CACNB3: variants seen among roughly 807,000 people sequenced by gnomAD.
CACNB3 encodes the protein voltage-dependent L-type calcium channel subunit beta-3.
A neutral mutation model predicts 63.7 loss-of-function variants in CACNB3; 36 were observed. That is an observed-to-expected ratio of 0.57 (90% CI 0.43 to 0.75). CACNB3 has a LOEUF of 0.75. CACNB3 is among the 30% of genes least tolerant of loss of function. The pLI is 0.00. For missense variants in CACNB3, 493 were observed against 648.6 expected (o/e 0.76, Z 2.61); for synonymous variants, 241 against 250.6 (o/e 0.96, Z 0.36).
chr12:48,824,893 C>T, intron 5 of CACNB3, 56 bp from the exon 6 acceptor site: 2 of 1,604,734 alleles, frequency 1.2e-6, no homozygotes, highest in East Asian at 2.2e-5. Flanking sequence ...ATACCATGCC[C>T]CCAGGGACCT....
In CACNB3 at chr12:48,825,105, C is replaced by G. The variant is rs1305328923; in HGVS notation, c.493-58C>G. ...CCTCTGGATCTGCCCTGACGCCAAC[C>G]AGGCATGAGACAGGCACCAGGGCCA... On this transcript the variant is annotated intron_variant, in intron 6 of 12. Transcript: ENST00000301050. This position sits in a 1 kb window ranked among gnomAD's most constrained non-coding sequence, Gnocchi z 4.5. The G allele has an allele frequency of 6.3e-7, 1 of 1,599,132 alleles. No individual in the cohort carries two copies. Among genetic ancestry groups the G allele is most frequent in the Non-Finnish European group, 8.6e-7 (1 of 1,166,688 alleles).
chr12:48,816,427 G>C (rs1355890358), upstream of CACNB3, among the ~76,000 whole-genome samples: 1 of 152,208 alleles, frequency 6.6e-6, no homozygotes, highest in Admixed American at 6.5e-5. Context: ...CCATGAAAAA[G>C]AAAAGAGGTT....
chr12:48,826,068 A>G lies in CACNB3; in HGVS notation c.742+299A>G, dbSNP rs1938122289. ...GGTCTCGAACTCCTGACCTCAAGTG[A>G]TCGGCCCACCTTGGCCTCTCAAAAT... On this transcript the variant is annotated intron_variant, in intron 9 of 12. Coordinates refer to ENST00000301050, the MANE Select transcript of CACNB3 (RefSeq NM_000725.4). The surrounding 1 kb of genome is among the most constrained non-coding windows in gnomAD (Gnocchi z 4.8). 6.6e-6 allele frequency among the ~76,000 whole-genome samples: 1 copy of G among 152,104 alleles called. No homozygotes were observed. Among genetic ancestry groups the G allele is most frequent in the South Asian group, 2.1e-4 (1 of 4,820 alleles).
intron 1 of CACNB3, among the ~76,000 whole-genome samples, chr12:48,821,834 C>T (rs1324150985): frequency 7.2e-5 from 11 of 152,198 alleles, no homozygotes; most frequent in South Asian, 6.2e-4. Flanking sequence ...AGTCGGCGGA[C>T]TACTCTTCTG....
chr12:48,820,123 TCTC>T (rs1411150862), intron 1 of CACNB3: 2 of 156,796 alleles, frequency 1.3e-5, no homozygotes, highest in African/African-American at 4.8e-5. Context: ...CTGGGACTGG[TCTC>T]CTTCTGGGCC....
intron 4 of CACNB3, 92 bp downstream of exon 4, chr12:48,824,465 T>G (rs1164493538): frequency 1.7e-6 from 2 of 1,176,472 alleles, no homozygotes; most frequent in Non-Finnish European, 2.4e-6. Flanking sequence ...CACATGCATA[T>G]CCCCCTGAAA....
In CACNB3 at chr12:48,818,688, C is replaced by T. The variant is rs1424569555; in HGVS notation, c.-242C>T. ...TTGTAGGAGCCGGCGCCAGATTCCT[C>T]AGCCGCGCTCGGGGTGGGACCGGCT... On this transcript the variant is annotated 5_prime_UTR_variant, in exon 1 of 13. Transcript: ENST00000301050. The surrounding 1 kb of genome is among the most constrained non-coding windows in gnomAD (Gnocchi z 4.3). The T allele has an allele frequency of 1.6e-6, 2 of 1,237,184 alleles. No individual in the cohort carries two copies. Among genetic ancestry groups the T allele is most frequent in the African/African-American group, 3.3e-5 (2 of 61,416 alleles). The allele number at this position is 1,237,184 out of a possible 1,614,324, so 76.6% of individuals were successfully genotyped here.
In CACNB3 at chr12:48,825,551, C is replaced by T; in HGVS notation, c.632+59C>T. The T allele has an allele frequency of 6.3e-7, 1 of 1,595,348 alleles. No homozygotes were observed. The highest frequency in any genetic ancestry group is 2.2e-5 in the East Asian group (1 of 44,784). ...CAAGGAGAAGCTCATGGCCTACTTCCAGATGCCTGTAGCTAGTCTTCTCTA... is the reference window on the plus strand; with the variant it reads ...CAAGGAGAAGCTCATGGCCTACTTCTAGATGCCTGTAGCTAGTCTTCTCTA... On this transcript the variant is annotated intron_variant, in intron 8 of 12. Coordinates refer to ENST00000301050, the MANE Select transcript of CACNB3 (RefSeq NM_000725.4). This position sits in a 1 kb window ranked among gnomAD's most constrained non-coding sequence, Gnocchi z 4.5.
upstream of CACNB3, chr12:48,818,104 G>A (rs903163997): frequency 6.6e-6 from 1 of 152,540 alleles, no homozygotes; most frequent in African/African-American, 2.4e-5. This position sits in a 1 kb window ranked among gnomAD's most constrained non-coding sequence, Gnocchi z 4.3. Flanking sequence ...TTAGCCTGGG[G>A]GCACCAAGCC....
chr12:48,824,608 G>C, intron 4 of CACNB3, 61 bp from the exon 5 acceptor site: 1 of 1,452,260 alleles, frequency 6.9e-7, no homozygotes, highest in Non-Finnish European at 9.7e-7. Flanking sequence ...ATAATGCATA[G>C]AACATACATA....
intron 5 of CACNB3, 65 bp from the exon 6 acceptor site, chr12:48,824,884 T>C: frequency 6.3e-7 from 1 of 1,578,250 alleles, no homozygotes; most frequent in Middle Eastern, 1.7e-4. Flanking sequence ...GGGACGGGGA[T>C]ACCATGCCCC....
At chr12:48,816,742 T>A (rs1309260568), upstream of CACNB3, 1 of 542,760 alleles carries the variant, frequency 1.8e-6, no homozygotes, top group African/African-American at 2.1e-5. Flanking sequence ...GTGCTGCCGA[T>A]GGCAGATCCG....
chr12:48,828,597 A>T lies in CACNB3; in HGVS notation c.*698A>T. On this transcript the variant is annotated 3_prime_UTR_variant, in exon 13 of 13. Coordinates refer to ENST00000301050, the MANE Select transcript of CACNB3 (RefSeq NM_000725.4). ...GGACCAGGGACCAGGAGCATGGTGA[A>T]GCCAAGTGGCAGATGGGAGCCAACC... The T allele has an allele frequency of 2.2e-6, 1 of 449,204 alleles. No individual in the cohort carries two copies. The highest frequency in any genetic ancestry group is 1.6e-5 in the South Asian group (1 of 63,656). The allele number at this position is 449,204 out of a possible 1,614,324, so 27.8% of individuals were successfully genotyped here. A position where few individuals can be genotyped will look rare whatever the true frequency, so the allele number is the denominator to read the frequency against.
rs1290119199 is a variant in CACNB3, at chr12:48,828,787, T to C, written c.*888T>C. 2.2e-6 allele frequency: 1 copy of C among 456,274 alleles called. No individual in the cohort carries two copies. The highest frequency in any genetic ancestry group is 4.4e-6 in the Non-Finnish European group (1 of 226,758). 28.3% of individuals were successfully genotyped at this position (456,274 alleles called of 1,614,324 possible). ...TTGTTCCCTGACTCATAGCTGCCGC[T>C]TGTTAGGTTAGGGTTAGATGGGGAG... On this transcript the variant is annotated 3_prime_UTR_variant, in exon 13 of 13. Transcript: ENST00000301050.
At chr12:48,822,762 G>A (rs1284158395) in intron 1 of CACNB3, among the ~76,000 whole-genome samples, 2 of 152,210 alleles carry the variant, frequency 1.3e-5, no homozygotes, top group Admixed American at 1.3e-4. Flanking sequence ...CACCCTGGAA[G>A]GGTAAGGGCT....
chr12:48,824,698 A>G lies in CACNB3; in HGVS notation c.437A>G (p.Asp146Gly). 6 of 1,613,586 alleles carry G rather than the reference A, an allele frequency of 3.7e-6. No homozygotes were observed. Among genetic ancestry groups the G allele is most frequent in the Non-Finnish European group, 5.1e-6 (6 of 1,179,886 alleles). ...TCTGGGAACCCTTCCAGCCTGAGTGACATTGGCAACCGACGCTCCCCTCCG... is the reference window on the plus strand; with the variant it reads ...TCTGGGAACCCTTCCAGCCTGAGTGGCATTGGCAACCGACGCTCCCCTCCG... ...RRSGNPSSLS[D>G]IGNRRSPPPS... The change falls in exon 5 of 13, where the codon GAC (aspartate) becomes GGC (glycine). Residue 146 changes from aspartate to glycine, a missense_variant. By Grantham distance (94) the Asp-to-Gly change is moderately conservative. Coordinates refer to ENST00000301050, the MANE Select transcript of CACNB3 (RefSeq NM_000725.4).
chr12:48,823,334 C>T lies in CACNB3; in HGVS notation c.46-10C>T, dbSNP rs761145246. 1.9e-6 allele frequency: 3 copies of T among 1,612,830 alleles called. No individual in the cohort carries two copies. In the East Asian group the frequency reaches 6.7e-5, roughly 36 times the overall value. ...GGAGCCTGGGAGTCACAGCCTCTTT[C>T]CCAACCCAGGGTTCAGCCGACTCCT... On this transcript the variant is annotated splice_polypyrimidine_tract_variant and intron_variant, in intron 1 of 12. Coordinates refer to ENST00000301050, the MANE Select transcript of CACNB3 (RefSeq NM_000725.4). The surrounding 1 kb of genome is among the most constrained non-coding windows in gnomAD (Gnocchi z 4.2).
At chr12:48,819,845 G>A (rs918561730) in intron 1 of CACNB3, 3 of 334,898 alleles carry the variant, frequency 9.0e-6, no homozygotes, top group African/African-American at 2.2e-5. Context: ...AGTGATTCCC[G>A]GAGCTCAGAC....
Position 48,828,561 on chromosome 12 carries a change from AACATGTG to A in CACNB3, c.*666_*672del. On this transcript the variant is annotated 3_prime_UTR_variant, in exon 13 of 13. Transcript: ENST00000301050. Reference sequence around the variant, plus strand: ...TCCTCACCCTGCCAGGAAGCTTCTTAACATGTGACAGGACCAGGGACCAGGAGCATGG... The same window carrying A: ...TCCTCACCCTGCCAGGAAGCTTCTTAACAGGACCAGGGACCAGGAGCATGG... 2.4e-6 allele frequency: 1 copy of A among 411,352 alleles called. No homozygotes were observed. Among genetic ancestry groups the A allele is most frequent in the Non-Finnish European group, 4.9e-6 (1 of 204,358 alleles). The allele number at this position is 411,352 out of a possible 1,614,324, so 25.5% of individuals were successfully genotyped here. A position where few individuals can be genotyped will look rare whatever the true frequency, so the allele number is the denominator to read the frequency against.
Sources: gnomAD v4.1 joint callset for allele counts (sites outside exome capture counted in the v4.1 genomes callset) on GRCh38, gnomAD v4.1.1 for gene constraint, Gnocchi (gnomAD v3.1) non-coding constraint, MANE v1.5 for transcripts, NCBI Gene and HGNC (gene_info 2026-07-23, HGNC 2026-07-21) for gene names.